Variants in NFATC2 observed in about 807,000 individuals in gnomAD.
The protein encoded by NFATC2 is nuclear factor of activated T-cells, cytoplasmic 2.
NFATC2 carries 22 observed loss-of-function variants against 87.3 expected under a neutral mutation model. That is an observed-to-expected ratio of 0.25 (90% CI 0.18 to 0.36). The LOEUF is 0.36. Among genes scored for constraint, NFATC2 ranks in the 10% least tolerant of loss-of-function variants. The pLI is 1.00. For missense variants in NFATC2, 1,149 were observed against 1,259.1 expected (o/e 0.91, Z 1.32); for synonymous variants, 565 against 542.2 (o/e 1.04, Z -0.58).
chr20:51,532,614 T>C (rs893435207), intron 1 of NFATC2, among the ~76,000 whole-genome samples: 9 of 152,246 alleles, frequency 5.9e-5, no homozygotes, highest in African/African-American at 2.2e-4. Context: ...CTGGAAGCTC[T>C]GTGAGCCTGT....
intron 5 of NFATC2, among the ~76,000 whole-genome samples, chr20:51,455,924 A>ATGGG: frequency 3.3e-4 from 1 of 3,026 alleles, no homozygotes; most frequent in African/African-American, 1.0e-3. Flanking sequence ...GGGTGGGTGG[A>ATGGG]TGGGTGGGTG....
chr20:51,525,973 C>T (rs796672904), intron 1 of NFATC2, among the ~76,000 whole-genome samples: 7 of 149,876 alleles, frequency 4.7e-5, no homozygotes, highest in African/African-American at 1.7e-4. Context: ...ACAACCCCTC[C>T]AACCTCTTCG....
chr20:51,455,900 G>GTGGGTGGGTGGGTGGGTGGA (rs1986429426), intron 5 of NFATC2, among the ~76,000 whole-genome samples: 2 of 29,334 alleles, frequency 6.8e-5, no homozygotes, highest in African/African-American at 1.5e-4. Flanking sequence ...GGATGGGTGG[G>GTGGGTGGGTGGGTGGGTGGA]TGGGTGGGTG....
intron 6 of NFATC2, among the ~76,000 whole-genome samples, chr20:51,441,513 C>T (rs113217070): frequency 0.059 from 8,997 of 151,800 alleles, 376 homozygotes; most frequent in African/African-American, 0.11. Flanking sequence ...GTCAGGAGTT[C>T]GAGACCCACC....
chr20:51,470,118 C>A (rs1259502761), intron 5 of NFATC2, among the ~76,000 whole-genome samples: 6 of 152,090 alleles, frequency 3.9e-5, no homozygotes. Context: ...CAGCTGCTGT[C>A]TATCATGGGT....
intron 9 of NFATC2, among the ~76,000 whole-genome samples, chr20:51,399,831 C>A (rs890731629): frequency 1.1e-4 from 17 of 152,194 alleles, no homozygotes; most frequent in Non-Finnish European, 1.8e-4. Context: ...ACAGTACTGT[C>A]GGATAATTCA....
intron 9 of NFATC2, among the ~76,000 whole-genome samples, chr20:51,416,465 C>G (rs1980052870): frequency 6.6e-6 from 1 of 152,124 alleles, no homozygotes; most frequent in Non-Finnish European, 1.5e-5. Flanking sequence ...CTCCCTCAAA[C>G]AGGAAGCCAT....
intron 6 of NFATC2, among the ~76,000 whole-genome samples, chr20:51,448,129 C>T (rs1046165947): frequency 3.3e-5 from 5 of 152,144 alleles, no homozygotes; most frequent in Non-Finnish European, 5.9e-5. Flanking sequence ...ACTAAGAGTC[C>T]AGCATGAGAG....
rs879602098 is a variant in NFATC2, at chr20:51,389,633, C to T, written c.*1863G>A. 4 of 152,106 alleles carry T rather than the reference C, an allele frequency of 2.6e-5. No individual in the cohort carries two copies. The South Asian group carries it at 6.2e-4, about 24-fold the overall frequency. The allele number at this position is 152,106 out of a possible 1,614,324, so 9.4% of individuals were successfully genotyped here. Reference sequence around the variant, plus strand: ...AGCTTAGGGTGGGTGAGGGAAAGGTCGTTCATTGTCAGGGAAAAATAAATG... The same window carrying T: ...AGCTTAGGGTGGGTGAGGGAAAGGTTGTTCATTGTCAGGGAAAAATAAATG... On this transcript the variant is annotated 3_prime_UTR_variant, in exon 11 of 11. Coordinates refer to ENST00000371564, the MANE Select transcript of NFATC2 (RefSeq NM_012340.5).
chr20:51,489,529 A>G (rs551811818), intron 3 of NFATC2, among the ~76,000 whole-genome samples: 1 of 152,356 alleles, frequency 6.6e-6, no homozygotes, highest in East Asian at 1.9e-4. Flanking sequence ...TCAGCCCATC[A>G]GCATCACATC....
chr20:51,409,697 T>C (rs1842076645), intron 9 of NFATC2, among the ~76,000 whole-genome samples: 1 of 152,108 alleles, frequency 6.6e-6, no homozygotes, highest in African/African-American at 2.4e-5. Context: ...TTACAGGAAA[T>C]ACCGAGGACA....
rs541587483 is a variant in NFATC2 at position 51,509,025 on chromosome 20, CT to C, written c.1332+7758del. Among the ~76,000 whole-genome samples, 13 of 152,216 alleles carry C rather than the reference CT, an allele frequency of 8.5e-5. No homozygotes were observed. In the South Asian group the frequency reaches 1.2e-3, roughly 15 times the overall value. On this transcript the variant is annotated intron_variant, in intron 3 of 10. Transcript: ENST00000371564. ...TGTGCGAGGCCCACGATCCGCCCCC[CT>C]ATCCTTCCCCTTCCCCTGCCCTTCC...
At chr20:51,515,956 T>C (rs2076344640) in intron 3 of NFATC2, among the ~76,000 whole-genome samples, 1 of 152,166 alleles carries the variant, frequency 6.6e-6, no homozygotes, top group African/African-American at 2.4e-5. Flanking sequence ...AATAGGATAC[T>C]TCTACTTTAA....
intron 5 of NFATC2, among the ~76,000 whole-genome samples, chr20:51,471,162 T>C (rs1988166660): frequency 6.6e-6 from 1 of 152,220 alleles, no homozygotes; most frequent in South Asian, 2.1e-4. Flanking sequence ...GGTTAAGCGA[T>C]GATCCTCAAA....
chr20:51,465,958 T>A (rs908400436), intron 5 of NFATC2, among the ~76,000 whole-genome samples: 14 of 152,182 alleles, frequency 9.2e-5, no homozygotes, highest in Non-Finnish European at 1.9e-4. Context: ...GATAATGATG[T>A]GAGTCATTTC....
intron 9 of NFATC2, among the ~76,000 whole-genome samples, chr20:51,400,413 T>TTC (rs573587702): frequency 9.5e-4 from 139 of 146,460 alleles, no homozygotes; most frequent in Middle Eastern, 3.4e-3. Flanking sequence ...AGAACACGAG[T>TTC]TCTCTCTCCA....
rs1343899051 is a variant in NFATC2 at position 51,524,577 on chromosome 20, AC to A, written c.131-468del. 6.6e-6 allele frequency among the ~76,000 whole-genome samples: 1 copy of A among 151,790 alleles called. No homozygotes were observed. The highest frequency in any genetic ancestry group is 1.5e-5 in the Non-Finnish European group (1 of 67,990). On this transcript the variant is annotated intron_variant, in intron 1 of 10. Transcript: ENST00000371564. The surrounding 1 kb of genome is among the most constrained non-coding windows in gnomAD (Gnocchi z 4.0). The stretch of plus-strand genomic sequence containing the variant: ...TAACCCGTCTGCGCGGTAGGTCATG[AC>A]CCCTAGTTTGAAAAGCACCTATCTA...
intron 3 of NFATC2, among the ~76,000 whole-genome samples, chr20:51,514,492 C>T (rs1251768425): frequency 2.6e-5 from 4 of 152,156 alleles, no homozygotes; most frequent in Admixed American, 2.0e-4. Context: ...GAGAGAGAGA[C>T]ATTGACAAAA....
intron 1 of NFATC2, among the ~76,000 whole-genome samples, chr20:51,552,635 C>T (rs1261426654): frequency 6.6e-6 from 1 of 152,114 alleles, no homozygotes. Flanking sequence ...CCTCGTAAGA[C>T]AGCAGGGTTC....
Sources: allele counts gnomAD v4.1 joint callset (sites outside exome capture counted in the v4.1 genomes callset), GRCh38; gene constraint gnomAD v4.1.1; non-coding constraint Gnocchi (gnomAD v3.1); transcripts MANE v1.5; gene names NCBI Gene and HGNC (gene_info 2026-07-23, HGNC 2026-07-21).